Variants in EIF2AK4 observed in about 807,000 individuals in gnomAD.
EIF2AK4 encodes the protein eukaryotic translation initiation factor 2 alpha kinase 4.
EIF2AK4 carries 139 observed loss-of-function variants against 211.1 expected under a neutral mutation model. The observed-to-expected ratio is 0.66, with a 90% CI of 0.57 to 0.76. EIF2AK4 has a LOEUF of 0.76. EIF2AK4 is among the 30% of genes least tolerant of loss of function. EIF2AK4 has a pLI of 0.00. For synonymous variants in EIF2AK4, 710 were observed against 751.3 expected, an observed-to-expected ratio of 0.94 and a Z score of 0.90; for missense variants, 1,664 against 2,043.8, an observed-to-expected ratio of 0.81 and a Z score of 3.58.
At chr15:39,952,973 G>A (rs574394993) in intron 4 of EIF2AK4, among the ~76,000 whole-genome samples, 3 of 152,062 alleles carry the variant, frequency 2.0e-5, no homozygotes, top group East Asian at 3.9e-4. Flanking sequence ...TCAGCCTCCC[G>A]AGTAGCTGGG....
At chr15:40,023,804 T>G (rs749607011) in intron 32 of EIF2AK4, among the ~76,000 whole-genome samples, 5 of 152,268 alleles carry the variant, frequency 3.3e-5, no homozygotes, top group Non-Finnish European at 7.3e-5. Flanking sequence ...ATTACTATTT[T>G]CTTCCTTCTG....
At chr15:39,954,854 G>A (rs1163211961) in intron 5 of EIF2AK4, among the ~76,000 whole-genome samples, 1 of 152,216 alleles carries the variant, frequency 6.6e-6, no homozygotes, top group Non-Finnish European at 1.5e-5. Flanking sequence ...AAGAGGCACT[G>A]AAGCACAAGC....
At chr15:39,944,541 C>T (rs975054066) in intron 3 of EIF2AK4, among the ~76,000 whole-genome samples, 7 of 151,868 alleles carry the variant, frequency 4.6e-5, no homozygotes, top group Non-Finnish European at 7.4e-5. Context: ...GCGCCATTCT[C>T]CTGCCTCAGC....
chr15:40,007,985 C>G, intron 24 of EIF2AK4, 42 bp from the exon 25 acceptor site: 2 of 1,383,014 alleles, frequency 1.4e-6, no homozygotes, highest in Non-Finnish European at 1.9e-6. Context: ...ATATTTCTTT[C>G]TAGTAAGCAA....
intron 13 of EIF2AK4, among the ~76,000 whole-genome samples, chr15:39,981,560 C>T (rs1180246249): frequency 1.3e-5 from 2 of 151,726 alleles, no homozygotes; most frequent in African/African-American, 4.8e-5. Flanking sequence ...TAATCCCCAG[C>T]ATCCATAAAT....
intron 17 of EIF2AK4, 164 bp downstream of exon 17, chr15:39,992,393 A>G (rs2034956021): frequency 3.5e-6 from 2 of 568,592 alleles, no homozygotes; most frequent in South Asian, 3.2e-5. Context: ...TTCCTTTTCA[A>G]TTTATGAATT....
intron 23 of EIF2AK4, among the ~76,000 whole-genome samples, chr15:40,004,526 T>C (rs1456815161): frequency 6.6e-6 from 1 of 150,888 alleles, no homozygotes; most frequent in African/African-American, 2.4e-5. Flanking sequence ...CTGGGCAACA[T>C]AGGAAGACCC....
chr15:40,013,724 G>A (rs143707051), intron 27 of EIF2AK4, among the ~76,000 whole-genome samples: 88 of 152,274 alleles, frequency 5.8e-4, no homozygotes, highest in African/African-American at 2.1e-3. Context: ...CATGACACAG[G>A]GGAATTGTGG....
chr15:39,994,706 G>A (rs1158866349), intron 18 of EIF2AK4, among the ~76,000 whole-genome samples: 1 of 152,184 alleles, frequency 6.6e-6, no homozygotes, highest in Non-Finnish European at 1.5e-5. Context: ...CTGGGTTTTG[G>A]TTCTGACAGG....
rs180800767 is a variant in EIF2AK4, at chr15:39,963,224, T to A, written c.859+1325T>A. On this transcript the variant is annotated intron_variant, in intron 7 of 38. Transcript: ENST00000263791. ...TTGGGCAGGTTCAAGACATTGGTAG[T>A]GGTGGTTGGCTTTAGACCTGAGACT... Among the ~76,000 whole-genome samples, 8 of 152,344 alleles carry A rather than the reference T, an allele frequency of 5.3e-5. No individual in the cohort carries two copies. In the East Asian group the frequency reaches 1.5e-3, roughly 29 times the overall value.
chr15:39,985,736 T>TA (rs2034855869), intron 13 of EIF2AK4, 69 bp from the exon 14 acceptor site: 1 of 1,497,278 alleles, frequency 6.7e-7, no homozygotes, highest in African/African-American at 1.4e-5. Flanking sequence ...CACAAATACT[T>TA]AATGATGGTG....
chr15:40,000,941 C>T (rs755079333), intron 20 of EIF2AK4, 47 bp from the exon 21 acceptor site: 1 of 1,566,426 alleles, frequency 6.4e-7, no homozygotes, highest in Non-Finnish European at 8.8e-7. Flanking sequence ...AATAGCTGAG[C>T]ATTATCCATT....
intron 9 of EIF2AK4, among the ~76,000 whole-genome samples, chr15:39,971,248 G>T (rs1054597840): frequency 2.0e-5 from 3 of 152,164 alleles, no homozygotes; most frequent in Non-Finnish European, 4.4e-5. Flanking sequence ...GCACAGCAGG[G>T]CGTGATACCT....
rs1440287751 is a variant in EIF2AK4, at chr15:39,934,187, A to G, written c.-9A>G. The G allele has an allele frequency of 2.0e-6, 3 of 1,520,068 alleles. No homozygotes were observed. Among genetic ancestry groups the G allele is most frequent in the African/African-American group, 1.4e-5 (1 of 70,228 alleles). 94.2% of individuals were successfully genotyped at this position (1,520,068 alleles called of 1,614,324 possible). A position where few individuals can be genotyped will look rare whatever the true frequency, so the allele number is the denominator to read the frequency against. On this transcript the variant is annotated 5_prime_UTR_variant, in exon 1 of 39. Coordinates refer to ENST00000263791, the MANE Select transcript of EIF2AK4 (RefSeq NM_001013703.4). ...GGCAAGGCCGCCCTGCCTTGGGCGC[A>G]GCGCTGCCATGGCTGGGGGCCGTGG...
At chr15:40,005,382 G>A (rs2035146203) in intron 23 of EIF2AK4, among the ~76,000 whole-genome samples, 1 of 151,686 alleles carries the variant, frequency 6.6e-6, no homozygotes, top group Non-Finnish European at 1.5e-5. Context: ...AAAAAATTGT[G>A]TGTGTACAGG....
At chr15:40,020,279 A>G (rs1185181586) in intron 30 of EIF2AK4, among the ~76,000 whole-genome samples, 1 of 151,484 alleles carries the variant, frequency 6.6e-6, no homozygotes, top group Non-Finnish European at 1.5e-5. Context: ...CTAGAGAAAA[A>G]TGGTATTTTC....
In EIF2AK4 at chr15:39,961,980, T is replaced by C. The variant is rs1303803712; in HGVS notation, c.859+81T>C. 2.6e-5 allele frequency: 29 copies of C among 1,096,560 alleles called. No individual in the cohort carries two copies. In the Admixed American group the frequency reaches 5.0e-4, roughly 19 times the overall value. The allele number at this position is 1,096,560 out of a possible 1,614,324, so 67.9% of individuals were successfully genotyped here. On this transcript the variant is annotated intron_variant, in intron 7 of 38. Coordinates refer to ENST00000263791, the MANE Select transcript of EIF2AK4 (RefSeq NM_001013703.4). ...AAGGAATGGGATGGATTAGACACTG[T>C]GTCATTCAGACCAGTGCAGTCCAAG...
intron 37 of EIF2AK4, among the ~76,000 whole-genome samples, chr15:40,034,035 A>G (rs932056182): frequency 6.6e-6 from 1 of 151,992 alleles, no homozygotes; most frequent in African/African-American, 2.4e-5. Context: ...TCTCAAAAAA[A>G]AAAAAAAAAA....
chr15:39,939,440 A>G lies in EIF2AK4; in HGVS notation c.145-65A>G, dbSNP rs1019976585. 11 of 933,068 alleles carry G rather than the reference A, an allele frequency of 1.2e-5. No homozygotes were observed. In the African/African-American group the frequency reaches 1.8e-4, roughly 16 times the overall value. The allele number at this position is 933,068 out of a possible 1,614,324, so 57.8% of individuals were successfully genotyped here. A position where few individuals can be genotyped will look rare whatever the true frequency, so the allele number is the denominator to read the frequency against. ...GAACTTTTGATCTAAAATGATCATT[A>G]TCTTAATCATTAATGATTGGCTCTA... On this transcript the variant is annotated intron_variant, in intron 1 of 38. Coordinates refer to ENST00000263791, the MANE Select transcript of EIF2AK4 (RefSeq NM_001013703.4).
Sources: allele counts gnomAD v4.1 joint callset (sites outside exome capture counted in the v4.1 genomes callset), GRCh38; gene constraint gnomAD v4.1.1; transcripts MANE v1.5; gene names NCBI Gene and HGNC (gene_info 2026-07-23, HGNC 2026-07-21).